PRKN: variants seen among roughly 807,000 people sequenced by gnomAD.
The protein encoded by PRKN is E3 ubiquitin-protein ligase parkin.
In PRKN, 56 loss-of-function variants were observed where a neutral mutation model predicts 59.5. That is an observed-to-expected ratio of 0.94 (90% CI 0.76 to 1.18). PRKN has a LOEUF of 1.18. Ranked by LOEUF, PRKN falls within the 50% of genes most tolerant of loss-of-function variation. The pLI, the probability that PRKN is intolerant of heterozygous loss-of-function variation, is 0.00. For synonymous variants in PRKN, 250 were observed against 222.1 expected, an observed-to-expected ratio of 1.13 and a Z score of -1.12; for missense variants, 657 against 596.4, an observed-to-expected ratio of 1.10 and a Z score of -1.06.
At chr6:161,967,676 G>A (rs1031798946) in intron 6 of PRKN, among the ~76,000 whole-genome samples, 5 of 152,322 alleles carry the variant, frequency 3.3e-5, no homozygotes, top group South Asian at 2.1e-4. Flanking sequence ...AGAAGGCTCC[G>A]TCATCAAGGT....
chr6:162,519,910 C>T (rs542754709), intron 1 of PRKN, among the ~76,000 whole-genome samples: 2 of 151,992 alleles, frequency 1.3e-5, no homozygotes, highest in African/African-American at 4.8e-5. Context: ...TTCTGTGAAT[C>T]AATAAAATAA....
At chr6:161,890,886 A>T (rs1437131375) in intron 6 of PRKN, among the ~76,000 whole-genome samples, 1 of 152,180 alleles carries the variant, frequency 6.6e-6, no homozygotes, top group African/African-American at 2.4e-5. Context: ...TCACTTCTTC[A>T]GAGGAGGACC....
chr6:162,132,127 G>T (rs947310065), intron 4 of PRKN, among the ~76,000 whole-genome samples: 2 of 152,182 alleles, frequency 1.3e-5, no homozygotes, highest in Non-Finnish European at 2.9e-5. Context: ...AGAGGAGAAA[G>T]AACATCATAT....
chr6:161,619,123 G>C (rs915948946), intron 7 of PRKN, among the ~76,000 whole-genome samples: 9 of 151,848 alleles, frequency 5.9e-5, no homozygotes, highest in African/African-American at 9.7e-5. Flanking sequence ...TCACAAAAAG[G>C]CTGAAGATCT....
At chr6:162,512,644 G>C (rs1391303356) in intron 1 of PRKN, among the ~76,000 whole-genome samples, 1 of 152,140 alleles carries the variant, frequency 6.6e-6, no homozygotes, top group African/African-American at 2.4e-5. Context: ...AAAATTATGA[G>C]CATGCACATC....
At chr6:162,333,729 A>T (rs774888732) in intron 2 of PRKN, among the ~76,000 whole-genome samples, 3 of 151,932 alleles carry the variant, frequency 2.0e-5, no homozygotes, top group Non-Finnish European at 2.9e-5. Context: ...TAAATGTTCA[A>T]GCGAAAGGCA....
chr6:161,689,863 A>G (rs1332759373), intron 7 of PRKN, among the ~76,000 whole-genome samples: 1 of 151,972 alleles, frequency 6.6e-6, no homozygotes, highest in Non-Finnish European at 1.5e-5. Flanking sequence ...TACAGGTGCC[A>G]CCACACCTGG....
At chr6:161,464,102 C>T (rs1790335638) in intron 9 of PRKN, among the ~76,000 whole-genome samples, 1 of 152,176 alleles carries the variant, frequency 6.6e-6, no homozygotes, top group Non-Finnish European at 1.5e-5. Flanking sequence ...ACAACATCCG[C>T]CTCCTGGGTT....
chr6:161,653,536 A>T lies in PRKN; in HGVS notation c.872-84120T>A, dbSNP rs374087362. On this transcript the variant is annotated intron_variant, in intron 7 of 11. Coordinates refer to ENST00000366898, the MANE Select transcript of PRKN (RefSeq NM_004562.3). The stretch of plus-strand genomic sequence containing the variant: ...TCATAAAATGCTCCCAGTAAATATC[A>T]TCCGGGTGCGTGCCATGAATTTCAT... Among the ~76,000 whole-genome samples, 12 of 152,224 alleles carry T rather than the reference A, an allele frequency of 7.9e-5. No individual in the cohort carries two copies. The East Asian group carries it at 2.3e-3, about 29-fold the overall frequency.
chr6:161,642,966 G>A (rs1271135993), intron 7 of PRKN, among the ~76,000 whole-genome samples: 1 of 152,118 alleles, frequency 6.6e-6, no homozygotes, highest in Non-Finnish European at 1.5e-5. Flanking sequence ...TTTTAAATCA[G>A]TCTTTCTAGT....
chr6:162,387,918 T>C (rs1786937738), intron 2 of PRKN, among the ~76,000 whole-genome samples: 1 of 152,132 alleles, frequency 6.6e-6, no homozygotes, highest in East Asian at 1.9e-4. Context: ...CTGTGCTAAC[T>C]CCATGGCGGA....
Position 161,582,289 on chromosome 6 carries a change from A to G in PRKN, c.872-12873T>C, listed in dbSNP as rs756039159. 5.7e-4 allele frequency among the ~76,000 whole-genome samples: 86 copies of G among 152,152 alleles called. No individual in the cohort carries two copies. The highest frequency in any genetic ancestry group is 8.5e-4 in the Non-Finnish European group (58 of 68,036). On this transcript the variant is annotated intron_variant, in intron 7 of 11. Transcript: ENST00000366898. This position sits in a 1 kb window ranked among gnomAD's most constrained non-coding sequence, Gnocchi z 4.4. ...TATGAGAACACCAACTCTTGTTAAA[A>G]CATTGAGATTACCTTGAAACAATTT... is the stretch of plus-strand genomic sequence containing the variant.
chr6:161,729,880 G>A (rs1338567051), intron 7 of PRKN, among the ~76,000 whole-genome samples: 2 of 143,338 alleles, frequency 1.4e-5, no homozygotes, highest in African/African-American at 6.0e-5. Flanking sequence ...TCTTTCTGAT[G>A]TGTTGCATAT....
At chr6:161,899,797 T>TATCC (rs1379779411) in intron 6 of PRKN, among the ~76,000 whole-genome samples, 1 of 152,158 alleles carries the variant, frequency 6.6e-6, no homozygotes, top group Non-Finnish European at 1.5e-5. Flanking sequence ...ATTGTGGGAT[T>TATCC]GAGTACAGCA....
At chr6:162,220,714 A>C (rs568017021) in intron 3 of PRKN, among the ~76,000 whole-genome samples, 39 of 152,330 alleles carry the variant, frequency 2.6e-4, no homozygotes, top group African/African-American at 8.4e-4. Context: ...CCACATGGAC[A>C]CAGAATGGTC....
chr6:162,317,246 C>A (rs1276864393), intron 2 of PRKN, among the ~76,000 whole-genome samples: 2 of 151,994 alleles, frequency 1.3e-5, no homozygotes, highest in African/African-American at 4.8e-5. Context: ...GCCAGCTGGA[C>A]ATAATTGAAT....
At chr6:162,699,911 T>C (rs2128236557) in intron 1 of PRKN, among the ~76,000 whole-genome samples, 1 of 152,260 alleles carries the variant, frequency 6.6e-6, no homozygotes, top group Middle Eastern at 3.4e-3. Context: ...AAGAGAAAAT[T>C]AAAACTCATA....
At chr6:162,100,811 A>T (rs1234660162) in intron 4 of PRKN, among the ~76,000 whole-genome samples, 2 of 151,952 alleles carry the variant, frequency 1.3e-5, no homozygotes, top group Non-Finnish European at 2.9e-5. Context: ...TTTTAATGAT[A>T]ATTTTTTCCC....
At position 161,357,048 on chromosome 6, in the gene PRKN, C is replaced by CTTTTTTTTTTTTTTT. The variant is rs35219002; in HGVS notation, c.1285+3025_1285+3039dup. On this transcript the variant is annotated intron_variant, in intron 11 of 11. Coordinates refer to ENST00000366898, the MANE Select transcript of PRKN (RefSeq NM_004562.3). This position sits in a 1 kb window ranked among gnomAD's most constrained non-coding sequence, Gnocchi z 5.5. Reference sequence around the variant, plus strand: ...CAGGTCCAGGTTCGCTGACCACTTCCTTTTTTTTTTTTTTTTTTTTTGAGA... The same window carrying CTTTTTTTTTTTTTTT: ...CAGGTCCAGGTTCGCTGACCACTTCCTTTTTTTTTTTTTTTTTTTTTTTTTTTTTTTTTTTTGAGA... 8.6e-6 allele frequency among the ~76,000 whole-genome samples: 1 copy of CTTTTTTTTTTTTTTT among 115,610 alleles called. No homozygotes were observed. The highest frequency in any genetic ancestry group is 3.5e-5 in the African/African-American group (1 of 28,984). The allele number at this position is 115,610 out of a possible 152,430, so 75.8% of individuals were successfully genotyped here. A position where few individuals can be genotyped will look rare whatever the true frequency, so the allele number is the denominator to read the frequency against.
Sources: gnomAD v4.1 joint callset for allele counts (sites outside exome capture counted in the v4.1 genomes callset) on GRCh38, gnomAD v4.1.1 for gene constraint, Gnocchi (gnomAD v3.1) non-coding constraint, MANE v1.5 for transcripts, NCBI Gene and HGNC (gene_info 2026-07-23, HGNC 2026-07-21) for gene names.